The following TMEM132C variants were observed in gnomAD, a reference collection of about 807,000 sequenced individuals.
TMEM132C encodes transmembrane protein 132C, also known as protein phosphatase 1, regulatory subunit 152.
Under a neutral mutation model 61.4 loss-of-function variants are expected in TMEM132C, and 29 were observed. The ratio of observed to expected loss-of-function variants is 0.47; its 90% CI spans 0.35 to 0.64. The LOEUF is 0.64. Among genes scored for constraint, TMEM132C ranks in the 30% least tolerant of loss-of-function variants. The probability of loss-of-function intolerance (pLI) is 0.00; values close to 1 mark genes in which losing one functional copy is unlikely to be tolerated. For synonymous variants in TMEM132C, 656 were observed against 633.1 expected (o/e 1.04, Z -0.54); for missense variants, 1,408 against 1,476.9 (o/e 0.95, Z 0.76).
At chr12:128,587,349 C>T (rs1875586658) in intron 3 of TMEM132C, among the ~76,000 whole-genome samples, 1 of 152,170 alleles carries the variant, frequency 6.6e-6, no homozygotes, top group East Asian at 1.9e-4. Flanking sequence ...CAGCCATCCT[C>T]TCTCTCGAAT....
chr12:128,542,089 C>T (rs1873779457), intron 2 of TMEM132C, among the ~76,000 whole-genome samples: 2 of 152,288 alleles, frequency 1.3e-5, no homozygotes, highest in East Asian at 1.9e-4. Flanking sequence ...TCCTCATTCA[C>T]TCCGATTTTG....
chr12:128,577,559 C>G (rs1193965568), intron 3 of TMEM132C, among the ~76,000 whole-genome samples: 2 of 152,222 alleles, frequency 1.3e-5, no homozygotes, highest in Non-Finnish European at 2.9e-5. Context: ...CGTTCTGTCC[C>G]CAAGCCTTGA....
intron 1 of TMEM132C, among the ~76,000 whole-genome samples, chr12:128,281,564 C>A (rs1870896983): frequency 1.3e-5 from 2 of 152,206 alleles, no homozygotes; most frequent in African/African-American, 4.8e-5. Context: ...ATTTTGGATA[C>A]AATCTCCGTT....
chr12:128,580,169 A>T, intron 3 of TMEM132C, among the ~76,000 whole-genome samples: 1 of 152,204 alleles, frequency 6.6e-6, no homozygotes, highest in East Asian at 1.9e-4. Flanking sequence ...ATTAAAAAAC[A>T]AGCAAATAAA....
intron 2 of TMEM132C, among the ~76,000 whole-genome samples, chr12:128,504,751 A>G (rs1350554890): frequency 1.5e-5 from 2 of 129,442 alleles, no homozygotes; most frequent in South Asian, 2.6e-4. Flanking sequence ...TTACCTCCTT[A>G]TAGGCCCTGT....
intron 8 of TMEM132C, among the ~76,000 whole-genome samples, chr12:128,704,704 C>T (rs1954824335): frequency 1.3e-5 from 2 of 152,168 alleles, no homozygotes; most frequent in African/African-American, 4.8e-5. Flanking sequence ...CCACTAATCA[C>T]AGAGTGTGTG....
chr12:128,694,042 T>A lies in TMEM132C; in HGVS notation c.1655+8T>A, dbSNP rs1301560533. 2 of 1,551,366 alleles carry A rather than the reference T, an allele frequency of 1.3e-6. No homozygotes were observed. Among genetic ancestry groups the A allele is most frequent in the Admixed American group, 3.9e-5 (2 of 50,994 alleles). Reference sequence around the variant, plus strand: ...CATTGTGACCAATAAGAGGTGAGCCTCGGATGGGGAGATGCCCTAGAGCCA... The same window carrying A: ...CATTGTGACCAATAAGAGGTGAGCCACGGATGGGGAGATGCCCTAGAGCCA... On this transcript the variant is annotated splice_region_variant and intron_variant, in intron 6 of 8. Coordinates refer to ENST00000435159, the MANE Select transcript of TMEM132C (RefSeq NM_001136103.3).
chr12:128,273,390 G>T (rs1870583484), intron 1 of TMEM132C, among the ~76,000 whole-genome samples: 1 of 151,848 alleles, frequency 6.6e-6, no homozygotes, highest in African/African-American at 2.4e-5. Flanking sequence ...GTATTTTTAT[G>T]GTAATATCTT....
At chr12:128,531,149 C>G (rs1665744371) in intron 2 of TMEM132C, among the ~76,000 whole-genome samples, 1 of 152,054 alleles carries the variant, frequency 6.6e-6, no homozygotes, top group African/African-American at 2.4e-5. Flanking sequence ...TAGGAGTAGC[C>G]CCTTGCTGGG....
intron 8 of TMEM132C, among the ~76,000 whole-genome samples, chr12:128,701,196 A>G (rs1317907803): frequency 6.6e-6 from 1 of 152,110 alleles, no homozygotes; most frequent in East Asian, 1.9e-4. Context: ...CTGTAGGCAC[A>G]ACCACATGGA....
At chr12:128,643,688 G>C (rs1176345028) in intron 4 of TMEM132C, among the ~76,000 whole-genome samples, 4 of 152,292 alleles carry the variant, frequency 2.6e-5, no homozygotes, top group African/African-American at 9.6e-5. Flanking sequence ...CATTTAAATT[G>C]TTGATAATAT....
chr12:128,345,047 T>C (rs1000560629), intron 1 of TMEM132C, among the ~76,000 whole-genome samples: 1 of 151,754 alleles, frequency 6.6e-6, no homozygotes, highest in Non-Finnish European at 1.5e-5. Flanking sequence ...TTCTTCCTGA[T>C]CCTCTCCCTC....
intron 2 of TMEM132C, among the ~76,000 whole-genome samples, chr12:128,482,242 G>A (rs1871335640): frequency 6.6e-6 from 1 of 152,200 alleles, no homozygotes; most frequent in African/African-American, 2.4e-5. Flanking sequence ...CAGGGATGAA[G>A]CCGACTTGAT....
rs1326317946 is a variant in TMEM132C at position 128,285,654 on chromosome 12, T to TCC, written c.85+18168_85+18169insCC. Among the ~76,000 whole-genome samples the TCC allele has an allele frequency of 2.0e-5, 3 of 150,004 alleles. No homozygotes were observed. The South Asian group carries it at 6.3e-4, about 32-fold the overall frequency. Reference sequence around the variant, plus strand: ...CATATTCATTCTCTCTCTCTCTCTCTCTCCCTCTCCCTCCCCTCGCCCCCA... The same window carrying TCC: ...CATATTCATTCTCTCTCTCTCTCTCTCCCTCCCTCTCCCTCCCCTCGCCCCCA... On this transcript the variant is annotated intron_variant, in intron 1 of 8. Transcript: ENST00000435159.
chr12:128,326,952 C>T lies in TMEM132C; in HGVS notation c.85+59465C>T, dbSNP rs1872541056. Among the ~76,000 whole-genome samples, 4 of 149,936 alleles carry T rather than the reference C, an allele frequency of 2.7e-5. No individual in the cohort carries two copies. Among genetic ancestry groups the T allele is most frequent in the Admixed American group, 6.6e-5 (1 of 15,236 alleles). On this transcript the variant is annotated intron_variant, in intron 1 of 8. Coordinates refer to ENST00000435159, the MANE Select transcript of TMEM132C (RefSeq NM_001136103.3). The surrounding 1 kb of genome is among the most constrained non-coding windows in gnomAD (Gnocchi z 5.6). ...GTGTCGTAGGGGGAAAATGTTAGAA[C>T]GACTATTTAAGTAAAATTTACTTTT...
intron 1 of TMEM132C, among the ~76,000 whole-genome samples, chr12:128,346,817 C>G (rs1010886813): frequency 6.6e-6 from 1 of 152,152 alleles, no homozygotes; most frequent in African/African-American, 2.4e-5. Flanking sequence ...GGGTTTGTTT[C>G]TGGACTCTGA....
intron 2 of TMEM132C, among the ~76,000 whole-genome samples, chr12:128,459,095 A>C (rs866471924): frequency 2.0e-5 from 3 of 152,248 alleles, no homozygotes; most frequent in Middle Eastern, 3.2e-3. Flanking sequence ...GTCCCACTGC[A>C]GCCTTGGAGG....
intron 4 of TMEM132C, among the ~76,000 whole-genome samples, chr12:128,652,653 C>T (rs999084384): frequency 6.6e-6 from 1 of 152,232 alleles, no homozygotes; most frequent in African/African-American, 2.4e-5. Context: ...GCCTGGTGGC[C>T]AGCATGGCCA....
chr12:128,520,686 G>A (rs1031042028), intron 2 of TMEM132C, among the ~76,000 whole-genome samples: 5 of 152,206 alleles, frequency 3.3e-5, no homozygotes, highest in African/African-American at 1.2e-4. Context: ...AGTTGTGATT[G>A]TAAGAATTAA....
Sources: allele counts gnomAD v4.1 joint callset (sites outside exome capture counted in the v4.1 genomes callset), GRCh38; gene constraint gnomAD v4.1.1; non-coding constraint Gnocchi (gnomAD v3.1); transcripts MANE v1.5; gene names NCBI Gene and HGNC (gene_info 2026-07-23, HGNC 2026-07-21).